Variants in GALNTL5 observed in about 807,000 individuals in gnomAD.
The protein encoded by GALNTL5 is inactive polypeptide N-acetylgalactosaminyltransferase-like protein 5.
In GALNTL5, 44 loss-of-function variants were observed where a neutral mutation model predicts 51.0. The observed-to-expected ratio is 0.86, with a 90% CI of 0.68 to 1.11. The LOEUF is 1.11. Ranked by LOEUF, GALNTL5 falls within the 50% of genes least tolerant of loss-of-function variation. The pLI is 0.00. For synonymous variants in GALNTL5, 192 were observed against 182.8 expected, an observed-to-expected ratio of 1.05 and a Z score of -0.41; for missense variants, 528 against 531.8, an observed-to-expected ratio of 0.99 and a Z score of 0.07.
intron 3 of GALNTL5, among the ~76,000 whole-genome samples, chr7:151,973,300 CA>C (rs150890373): frequency 0.06 from 7,849 of 130,300 alleles, 559 homozygotes; most frequent in African/African-American, 0.19. Flanking sequence ...ACTAAAAATA[CA>C]AAAAAAAAAA....
In GALNTL5 at chr7:151,971,033, C is replaced by A. The variant is rs1164086850; in HGVS notation, c.336C>A (p.Ile112=). The stretch of plus-strand genomic sequence containing the variant: ...TGATTATCAGTAGAAGCTTGGGCAT[C>A]GAAAGAGAAGTGCCAGATACCAGGA... The part of the protein sequence containing the change: ...FNVIISRSLG[I]EREVPDTRSK... The change falls in exon 3 of 9, where the codon ATC becomes ATA. Residue 112 remains isoleucine (I), a synonymous_variant. Coordinates refer to ENST00000392800, the MANE Select transcript of GALNTL5 (RefSeq NM_145292.4). 1.9e-6 allele frequency: 3 copies of A among 1,611,056 alleles called. No individual in the cohort carries two copies. The South Asian group carries it at 3.3e-5, about 18-fold the overall frequency.
chr7:151,992,835 G>T (rs2081444371), intron 5 of GALNTL5, among the ~76,000 whole-genome samples: 1 of 152,010 alleles, frequency 6.6e-6, no homozygotes, highest in Non-Finnish European at 1.5e-5. Flanking sequence ...CCATAGAAAT[G>T]CTCCCCTAGA....
rs2081782262 is a variant in GALNTL5 at position 152,014,638 on chromosome 7, G to C, written c.1027-6G>C. ...TTCGTATGTTTTTTGTTCTTCTTAT[G>C]CCTAGATCTGGATGTGTGGAGGCCA... On this transcript the variant is annotated splice_polypyrimidine_tract_variant and splice_region_variant and intron_variant, in intron 7 of 8. Transcript: ENST00000392800. 4 of 1,596,276 alleles carry C rather than the reference G, an allele frequency of 2.5e-6. No individual in the cohort carries two copies. Among genetic ancestry groups the C allele is most frequent in the Non-Finnish European group, 3.4e-6 (4 of 1,174,104 alleles).
intron 4 of GALNTL5, chr7:151,985,664 GCCAACAACATGA>G (rs2081352353): frequency 6.5e-6 from 1 of 152,928 alleles, no homozygotes; most frequent in African/African-American, 2.4e-5. Context: ...TAGACTGCAA[GCCAACAACATGA>G]CCATCTTCTG....
At chr7:151,997,476 A>ATG (rs2081514564) in intron 5 of GALNTL5, among the ~76,000 whole-genome samples, 1 of 152,254 alleles carries the variant, frequency 6.6e-6, no homozygotes, top group South Asian at 2.1e-4. Flanking sequence ...TCCTTACAGG[A>ATG]TGTAAATTTC....
In GALNTL5 at chr7:151,983,251, C is replaced by T. The variant is rs1586825372; in HGVS notation, c.535+99C>T. 40 of 980,314 alleles carry T rather than the reference C, an allele frequency of 4.1e-5. No individual in the cohort carries two copies. The East Asian group carries it at 9.3e-4, about 23-fold the overall frequency. 60.7% of individuals were successfully genotyped at this position (980,314 alleles called of 1,614,324 possible). ...GGAGTGCAGTGGTACCATCTCGGCT[C>T]ACTGCAACCTCTGCCTCCTGAGTTC... is the stretch of plus-strand genomic sequence containing the variant. On this transcript the variant is annotated intron_variant, in intron 4 of 8. Transcript: ENST00000392800.
chr7:152,015,347 C>G (rs1479015108), intron 8 of GALNTL5, among the ~76,000 whole-genome samples: 1 of 150,436 alleles, frequency 6.6e-6, no homozygotes, highest in Non-Finnish European at 1.5e-5. Flanking sequence ...TTGCCCCGTC[C>G]CCATGTGCAA....
chr7:151,970,879 C>G, intron 2 of GALNTL5, 66 bp from the exon 3 acceptor site: 2 of 1,345,842 alleles, frequency 1.5e-6, no homozygotes, highest in Non-Finnish European at 2.0e-6. Flanking sequence ...TATTCTAGAT[C>G]TTTCCTTTCC....
At chr7:151,976,801 G>C (rs1405984860) in intron 3 of GALNTL5, among the ~76,000 whole-genome samples, 1 of 152,060 alleles carries the variant, frequency 6.6e-6, no homozygotes, top group Non-Finnish European at 1.5e-5. Flanking sequence ...CTGAGTAGCT[G>C]GGATTACAGG....
intron 1 of GALNTL5, among the ~76,000 whole-genome samples, chr7:151,959,510 C>A (rs1234972492): frequency 6.6e-6 from 1 of 152,160 alleles, no homozygotes; most frequent in Non-Finnish European, 1.5e-5. Context: ...CTATTTTGCA[C>A]CCAGGATCTT....
rs556278672 is a variant in GALNTL5 at position 152,018,802 on chromosome 7, C to T, written c.1177-844C>T. ...CGATGGCAAAGACCTACAGTGGTCA[C>T]GGATCCCCAGGGAGAATCCAATATG... is the stretch of plus-strand genomic sequence containing the variant. On this transcript the variant is annotated intron_variant, in intron 8 of 8. Coordinates refer to ENST00000392800, the MANE Select transcript of GALNTL5 (RefSeq NM_145292.4). Among the ~76,000 whole-genome samples, 132 of 152,254 alleles carry T rather than the reference C, an allele frequency of 8.7e-4. 2 individuals are homozygous for T. Among genetic ancestry groups the T allele is most frequent in the South Asian group, 4.1e-4 (2 of 4,820 alleles).
chr7:151,969,947 C>T (rs111372477), intron 2 of GALNTL5, among the ~76,000 whole-genome samples: 31,263 of 151,432 alleles, frequency 0.21, 3,924 homozygotes, highest in Middle Eastern at 0.28. Context: ...GCTGGGACTA[C>T]AGGCACCAGC....
chr7:151,996,961 A>G (rs2081508413), intron 5 of GALNTL5, among the ~76,000 whole-genome samples: 1 of 152,154 alleles, frequency 6.6e-6, no homozygotes. Flanking sequence ...ACAGAGAAAA[A>G]CAGGAAATAC....
chr7:151,990,650 AG>A (rs2081417059), intron 5 of GALNTL5, among the ~76,000 whole-genome samples: 1 of 151,350 alleles, frequency 6.6e-6, no homozygotes, highest in African/African-American at 2.4e-5. Context: ...TCTCTTCAAT[AG>A]GAATAGCCTT....
intron 1 of GALNTL5, 91 bp from the exon 2 acceptor site, chr7:151,967,117 T>G: frequency 2.6e-6 from 2 of 756,700 alleles, no homozygotes; most frequent in Non-Finnish European, 4.2e-6. Context: ...TGATTGTTTT[T>G]AAAACACTAA....
chr7:152,011,429 C>G (rs1035688657), intron 7 of GALNTL5, among the ~76,000 whole-genome samples: 1 of 152,272 alleles, frequency 6.6e-6, no homozygotes, highest in African/African-American at 2.4e-5. Context: ...CCCCAACAAT[C>G]TGCAGTCTTG....
At chr7:151,989,126 G>A (rs2081395979) in intron 5 of GALNTL5, among the ~76,000 whole-genome samples, 1 of 151,296 alleles carries the variant, frequency 6.6e-6, no homozygotes, top group African/African-American at 2.4e-5. Flanking sequence ...TTGCTGTGTT[G>A]TATGATATTT....
At chr7:151,970,837 C>A in intron 2 of GALNTL5, 108 bp from the exon 3 acceptor site, 1 of 902,542 alleles carries the variant, frequency 1.1e-6, no homozygotes, top group Non-Finnish European at 1.7e-6. Flanking sequence ...TTTCCGAATT[C>A]TATTCTGGTT....
chr7:152,002,995 G>T, intron 6 of GALNTL5, 32 bp downstream of exon 6: 1 of 1,601,260 alleles, frequency 6.2e-7, no homozygotes, highest in Non-Finnish European at 8.5e-7. Flanking sequence ...GAAAAATATA[G>T]CATACGTGTA....
Sources: gnomAD v4.1 joint callset for allele counts (sites outside exome capture counted in the v4.1 genomes callset) on GRCh38, gnomAD v4.1.1 for gene constraint, MANE v1.5 for transcripts, NCBI Gene and HGNC (gene_info 2026-07-23, HGNC 2026-07-21) for gene names.